AFF2: variants seen among roughly 807,000 people sequenced by gnomAD.
AFF2 encodes ALF transcription elongation factor 2, also known as AF4/FMR2 family member 2.
AFF2 carries 14 observed loss-of-function variants against 76.9 expected under a neutral mutation model. The observed-to-expected ratio is 0.18, with a 90% confidence interval of 0.12 to 0.28. The LOEUF is 0.28. Among genes scored for constraint, AFF2 ranks in the 10% least tolerant of loss-of-function variants. AFF2 has a pLI of 1.00. For missense variants in AFF2, 868 were observed against 1,001.1 expected (o/e 0.87, Z 1.79); for synonymous variants, 398 against 366.7 (o/e 1.09, Z -0.98).
intron 3 of AFF2, among the ~76,000 whole-genome samples, chrX:148,741,586 C>G (rs1434032611): frequency 1.8e-5 from 2 of 111,136 alleles, no homozygotes; most frequent in Non-Finnish European, 3.8e-5. Flanking sequence ...AAGAAAAGGG[C>G]TTTTTAGTTC....
At chrX:148,689,663 A>G (rs2054632072) in intron 3 of AFF2, among the ~76,000 whole-genome samples, 1 of 111,935 alleles carries the variant, frequency 8.9e-6, no homozygotes, top group African/African-American at 3.3e-5. Context: ...AATATTGGCT[A>G]TACTGCCAGA....
chrX:148,684,571 A>G, intron 3 of AFF2, among the ~76,000 whole-genome samples: 1 of 112,488 alleles, frequency 8.9e-6, no homozygotes, highest in Non-Finnish European at 1.9e-5. Flanking sequence ...CCTTTCTTAT[A>G]AGCACAAGTT....
At chrX:148,683,248 C>T (rs1300020126) in intron 3 of AFF2, among the ~76,000 whole-genome samples, 1 of 112,018 alleles carries the variant, frequency 8.9e-6, no homozygotes, top group Non-Finnish European at 1.9e-5. Flanking sequence ...ATTGTGAGTG[C>T]TGTGTAAACT....
chrX:148,967,380 G>T (rs1557288932), intron 14 of AFF2, among the ~76,000 whole-genome samples: 1 of 112,052 alleles, frequency 8.9e-6, no homozygotes, highest in Non-Finnish European at 1.9e-5. Flanking sequence ...GGTTTTGTTT[G>T]ATCTATTTGG....
chrX:148,829,538 TC>T (rs1228180093), intron 4 of AFF2, among the ~76,000 whole-genome samples: 1 of 111,651 alleles, frequency 9.0e-6, no homozygotes, highest in African/African-American at 3.3e-5. Flanking sequence ...CCCCACCCCA[TC>T]CCTGGGAGAA....
chrX:148,956,718 C>A, intron 11 of AFF2, 105 bp downstream of exon 11: 1 of 773,938 alleles, frequency 1.3e-6, no homozygotes, highest in Non-Finnish European at 1.8e-6. Context: ...CAGTGCATTG[C>A]AGATTTTGGC....
At chrX:148,675,025 A>G (rs1390647219) in intron 3 of AFF2, among the ~76,000 whole-genome samples, 1 of 112,048 alleles carries the variant, frequency 8.9e-6, no homozygotes, top group African/African-American at 3.2e-5. Context: ...TAGTATGTGC[A>G]TGCACGTATG....
intron 4 of AFF2, among the ~76,000 whole-genome samples, chrX:148,823,994 C>A (rs782636947): frequency 9.1e-6 from 1 of 110,331 alleles, no homozygotes; most frequent in East Asian, 2.9e-4. Context: ...TACATCAGAC[C>A]GTTGAATGGC....
chrX:148,564,294 A>G (rs782578018), intron 1 of AFF2, among the ~76,000 whole-genome samples: 6 of 111,095 alleles, frequency 5.4e-5, no homozygotes, highest in Admixed American at 9.6e-5. Flanking sequence ...TGACAGGTAT[A>G]TTATCATTAG....
At chrX:148,750,070 T>C (rs1407413277) in intron 3 of AFF2, among the ~76,000 whole-genome samples, 4 of 109,848 alleles carry the variant, frequency 3.6e-5, no homozygotes, top group Non-Finnish European at 3.8e-5. Flanking sequence ...CGGGTTCAAG[T>C]GATTCTCCTG....
At position 148,987,387 on chromosome X, in the gene AFF2, C is replaced by T; in HGVS notation, c.3644C>T (p.Ser1215Phe). ...SNGKNTPSPV[S>F]LNNVSPINAM... ...CCCAGGAACACTCCATCCCCAGTGT[C>T]TCTCAACAACGTCTCCCCCATCAAC... The change falls in exon 20 of 21, where the codon TCT (serine) becomes TTT (phenylalanine). Residue 1215 changes from serine to phenylalanine, a missense_variant. Physicochemically the swap from Ser to Phe is radical, Grantham distance 155. Around this residue, in one of 6 missense-constraint regions of AFF2, gnomAD observed 46 missense variants for 40.8 expected, o/e 1.13. Transcript: ENST00000370460. 2 of 1,209,889 alleles carry T rather than the reference C, an allele frequency of 1.7e-6. No individual in the cohort carries two copies. The highest frequency in any genetic ancestry group is 2.2e-6 in the Non-Finnish European group (2 of 894,586).
chrX:148,842,129 A>G (rs2070607693), intron 5 of AFF2, among the ~76,000 whole-genome samples: 1 of 112,176 alleles, frequency 8.9e-6, no homozygotes, highest in Non-Finnish European at 1.9e-5. Context: ...ACTTGAATTC[A>G]TTGTCTCCAG....
In AFF2 at chrX:148,978,015, T is replaced by G. The variant is rs375246825; in HGVS notation, c.3476+11T>G. The G allele has an allele frequency of 3.2e-5, 37 of 1,169,633 alleles. No individual in the cohort carries two copies. The highest frequency in any genetic ancestry group is 4.2e-5 in the Non-Finnish European group (36 of 859,059). On this transcript the variant is annotated intron_variant, in intron 17 of 20. Coordinates refer to ENST00000370460, the MANE Select transcript of AFF2 (RefSeq NM_002025.4). The stretch of plus-strand genomic sequence containing the variant: ...GCTAGCAGTACTATGGTGAGTCCCA[T>G]GGAGGCCACAAGGAAATTGCTGAAA...
intron 3 of AFF2, among the ~76,000 whole-genome samples, chrX:148,761,468 T>G (rs1179449055): frequency 1.6e-5 from 1 of 61,025 alleles, no homozygotes; most frequent in Non-Finnish European, 2.7e-5. Context: ...GTTTTTTTTG[T>G]TTTTTTTTTT....
chrX:148,730,171 T>A (rs1461533355), intron 3 of AFF2, among the ~76,000 whole-genome samples: 2 of 112,056 alleles, frequency 1.8e-5, no homozygotes, highest in African/African-American at 6.5e-5. Context: ...AATTTGCAAA[T>A]CCTCTCTGAT....
intron 4 of AFF2, among the ~76,000 whole-genome samples, chrX:148,830,127 C>T (rs1187487826): frequency 8.9e-6 from 1 of 111,985 alleles, no homozygotes; most frequent in Non-Finnish European, 1.9e-5. Context: ...TCCAGGAGAG[C>T]ACTCTGAGAG....
At chrX:148,506,169 C>G (rs2052414486) in intron 1 of AFF2, among the ~76,000 whole-genome samples, 1 of 111,741 alleles carries the variant, frequency 8.9e-6, no homozygotes, top group South Asian at 3.7e-4. Flanking sequence ...CAGGTACTCA[C>G]TCAGTGATGC....
chrX:148,524,123 C>CTCTCTG (rs1392390338), intron 1 of AFF2, among the ~76,000 whole-genome samples: 147 of 83,459 alleles, frequency 1.8e-3, no homozygotes, highest in Middle Eastern at 6.4e-3. Flanking sequence ...CTCTCTCTCT[C>CTCTCTG]TGTGTGTGTG....
rs782166978 is a variant in AFF2, at chrX:148,651,637, G to A, written c.48-362G>A. On this transcript the variant is annotated intron_variant, in intron 1 of 20. Coordinates refer to ENST00000370460, the MANE Select transcript of AFF2 (RefSeq NM_002025.4). ...GACATCTGTGGATTCTGAGCCCTAG[G>A]TAGTTGGCAACACAATGTAACTTTA... Among the ~76,000 whole-genome samples, 3 of 111,637 alleles carry A rather than the reference G, an allele frequency of 2.7e-5. No individual in the cohort carries two copies. The South Asian group carries it at 1.1e-3, about 42-fold the overall frequency.
Sources: allele counts gnomAD v4.1 joint callset (sites outside exome capture counted in the v4.1 genomes callset), GRCh38; gene constraint gnomAD v4.1.1; regional missense constraint gnomAD v4.1.1; transcripts MANE v1.5; gene names NCBI Gene and HGNC (gene_info 2026-07-23, HGNC 2026-07-21).